The following MAPKAP1 variants were observed in gnomAD, a reference collection of about 807,000 sequenced individuals.
The protein encoded by MAPKAP1 is MAPK associated protein 1.
In MAPKAP1, 20 loss-of-function variants were observed where a neutral mutation model predicts 65.7. The ratio of observed to expected loss-of-function variants is 0.30; its 90% CI spans 0.21 to 0.44. MAPKAP1 has a LOEUF of 0.44. MAPKAP1 is among the 20% of genes least tolerant of loss of function. The pLI is 1.00. For missense variants in MAPKAP1, 423 were observed against 648.0 expected, an observed-to-expected ratio of 0.65 and a Z score of 3.77; for synonymous variants, 222 against 244.3, an observed-to-expected ratio of 0.91 and a Z score of 0.85.
At chr9:125,705,351 T>C (rs917791992) in intron 1 of MAPKAP1, among the ~76,000 whole-genome samples, 3 of 152,124 alleles carry the variant, frequency 2.0e-5, no homozygotes, top group African/African-American at 7.2e-5. Flanking sequence ...GATTAAACAA[T>C]AGAAACCCCT....
intron 10 of MAPKAP1, among the ~76,000 whole-genome samples, chr9:125,467,390 CTTTG>C (rs1378968692): frequency 6.6e-6 from 1 of 152,234 alleles, no homozygotes; most frequent in Non-Finnish European, 1.5e-5. Flanking sequence ...ACTGTATCTA[CTTTG>C]ATAATTTAAG....
At chr9:125,484,630 G>A in intron 8 of MAPKAP1, 47 bp from the exon 9 acceptor site, 1 of 1,546,920 alleles carries the variant, frequency 6.5e-7, no homozygotes, top group African/African-American at 1.4e-5. Context: ...ATGAGGCTTG[G>A]CAAATGGTGT....
intron 7 of MAPKAP1, chr9:125,521,747 T>C: frequency 1.2e-6 from 2 of 1,612,666 alleles, no homozygotes; most frequent in South Asian, 2.2e-5. Flanking sequence ...GTGAAATTAG[T>C]GAATTTAGTC....
At chr9:125,695,900 G>T (rs1343508202) in intron 1 of MAPKAP1, among the ~76,000 whole-genome samples, 1 of 151,946 alleles carries the variant, frequency 6.6e-6, no homozygotes, top group Non-Finnish European at 1.5e-5. Context: ...GGCTAATTTT[G>T]TATTTTTAGT....
chr9:125,691,627 C>A (rs1835173479), intron 1 of MAPKAP1, among the ~76,000 whole-genome samples: 1 of 151,528 alleles, frequency 6.6e-6, no homozygotes, highest in Admixed American at 6.6e-5. Context: ...GGGATAAAAC[C>A]AAGGAACAGC....
At chr9:125,581,688 G>A (rs1286872265) in intron 5 of MAPKAP1, among the ~76,000 whole-genome samples, 1 of 152,008 alleles carries the variant, frequency 6.6e-6, no homozygotes, top group Non-Finnish European at 1.5e-5. Context: ...TAATTTTAAT[G>A]AAGTCTAACT....
intron 7 of MAPKAP1, among the ~76,000 whole-genome samples, chr9:125,535,355 C>T (rs572178890): frequency 1.3e-5 from 2 of 152,338 alleles, no homozygotes; most frequent in South Asian, 4.1e-4. Context: ...ACCTGTGCTG[C>T]TTTAGTAGCT....
intron 10 of MAPKAP1, among the ~76,000 whole-genome samples, chr9:125,457,273 G>GCCA (rs1342214987): frequency 6.6e-5 from 10 of 152,186 alleles, no homozygotes; most frequent in Non-Finnish European, 1.3e-4. Flanking sequence ...ATAGGCATGA[G>GCCA]CCACTGTGCC....
intron 9 of MAPKAP1, among the ~76,000 whole-genome samples, chr9:125,472,283 C>T (rs1219441303): frequency 6.6e-6 from 1 of 152,138 alleles, no homozygotes; most frequent in African/African-American, 2.4e-5. Context: ...GTCTCAAGTC[C>T]CTGTTCTTTC....
At chr9:125,565,324 G>T in intron 5 of MAPKAP1, 1 of 154,568 alleles carries the variant, frequency 6.5e-6, no homozygotes, top group East Asian at 1.9e-4. Context: ...CATTCCAGGA[G>T]GCATCCCAGA....
intron 1 of MAPKAP1, among the ~76,000 whole-genome samples, chr9:125,689,491 A>T (rs1291222975): frequency 6.7e-6 from 1 of 149,456 alleles, no homozygotes; most frequent in Non-Finnish European, 1.5e-5. Flanking sequence ...TCACGCCTAT[A>T]ATCCCTGCAC....
At chr9:125,683,741 T>C (rs1333247554) in intron 1 of MAPKAP1, among the ~76,000 whole-genome samples, 1 of 152,192 alleles carries the variant, frequency 6.6e-6, no homozygotes, top group Non-Finnish European at 1.5e-5. Flanking sequence ...AATCATAAAT[T>C]CATATCGTTT....
At chr9:125,604,134 T>C (rs899177979) in intron 4 of MAPKAP1, among the ~76,000 whole-genome samples, 2 of 152,256 alleles carry the variant, frequency 1.3e-5, no homozygotes, top group Non-Finnish European at 1.5e-5. Flanking sequence ...TAAAATTCCA[T>C]TAACATTTTC....
chr9:125,636,248 G>A (rs924244202), intron 4 of MAPKAP1, among the ~76,000 whole-genome samples: 6 of 152,122 alleles, frequency 3.9e-5, no homozygotes, highest in African/African-American at 1.2e-4. Context: ...CTAATAGCAG[G>A]TGTCATTGCC....
At chr9:125,594,451 C>T (rs991517696) in intron 4 of MAPKAP1, among the ~76,000 whole-genome samples, 1 of 152,206 alleles carries the variant, frequency 6.6e-6, no homozygotes, top group Non-Finnish European at 1.5e-5. Flanking sequence ...AGACCTTAGA[C>T]TTTGGGAAAG....
chr9:125,655,241 A>G (rs996253448), intron 4 of MAPKAP1, among the ~76,000 whole-genome samples: 12 of 151,992 alleles, frequency 7.9e-5, no homozygotes, highest in Admixed American at 2.0e-4. Flanking sequence ...ATATGAGCCG[A>G]AAAAAAATAA....
At chr9:125,507,617 T>A (rs1252036730) in intron 7 of MAPKAP1, among the ~76,000 whole-genome samples, 1 of 152,234 alleles carries the variant, frequency 6.6e-6, no homozygotes, top group Non-Finnish European at 1.5e-5. Flanking sequence ...GTATATTTGA[T>A]CTTTTCTCTA....
At chr9:125,673,351 C>T (rs921222446) in intron 1 of MAPKAP1, among the ~76,000 whole-genome samples, 5 of 152,134 alleles carry the variant, frequency 3.3e-5, no homozygotes, top group Admixed American at 6.6e-5. Flanking sequence ...CTCAGCCTCC[C>T]GCGTAGCTGG....
In MAPKAP1 at chr9:125,511,861, C is replaced by A. The variant is rs571403283; in HGVS notation, c.959-5444G>T. 3.9e-5 allele frequency among the ~76,000 whole-genome samples: 6 copies of A among 152,312 alleles called. No individual in the cohort carries two copies. In the South Asian group the frequency reaches 1.2e-3, roughly 32 times the overall value. ...CAGAGAGGAACACAAAAGGAAGATT[C>A]TGGGAAGCAGTTACTCTGCAGCGAC... On this transcript the variant is annotated intron_variant, in intron 7 of 11. Coordinates refer to ENST00000265960, the MANE Select transcript of MAPKAP1 (RefSeq NM_001006617.3).
Sources: allele counts gnomAD v4.1 joint callset (sites outside exome capture counted in the v4.1 genomes callset), GRCh38; gene constraint gnomAD v4.1.1; transcripts MANE v1.5; gene names NCBI Gene and HGNC (gene_info 2026-07-23, HGNC 2026-07-21).